The following FXYD6 variants were observed in gnomAD, a reference collection of about 807,000 sequenced individuals.
FXYD6 encodes FXYD domain containing ion transport regulator 6, also known as FXYD domain-containing ion transport regulator 6.
A neutral mutation model predicts 16.7 loss-of-function variants in FXYD6; 7 were observed. The observed-to-expected ratio is 0.42, with a 90% CI of 0.24 to 0.79. The LOEUF is 0.79. Ranked by LOEUF, FXYD6 falls within the 30% of genes least tolerant of loss-of-function variation. FXYD6 has a pLI of 0.28. For synonymous variants in FXYD6, 49 were observed against 43.0 expected (o/e 1.14, Z -0.54); for missense variants, 111 against 116.2 (o/e 0.95, Z 0.21).
At chr11:117,853,798 A>G (rs2056662219) in intron 1 of FXYD6, among the ~76,000 whole-genome samples, 1 of 151,886 alleles carries the variant, frequency 6.6e-6, no homozygotes, top group African/African-American at 2.4e-5. Context: ...TGGCCCAGTT[A>G]TCTCATGGGG....
chr11:117,845,806 G>A (rs1244567809), intron 1 of FXYD6, among the ~76,000 whole-genome samples: 3 of 152,230 alleles, frequency 2.0e-5, no homozygotes, highest in African/African-American at 4.8e-5. Flanking sequence ...ACAGATTCAT[G>A]TAACCAGAAG....
chr11:117,849,370 G>A (rs1426172628), intron 1 of FXYD6, among the ~76,000 whole-genome samples: 1 of 152,170 alleles, frequency 6.6e-6, no homozygotes, highest in African/African-American at 2.4e-5. Context: ...TCTGTATGAT[G>A]TACAGATGCC....
intron 1 of FXYD6, among the ~76,000 whole-genome samples, chr11:117,855,146 C>T (rs2056693766): frequency 6.6e-6 from 1 of 152,196 alleles, no homozygotes. Flanking sequence ...AATCAGATTG[C>T]AGAGGCTCTT....
At chr11:117,841,963 C>A (rs2056356795) in intron 3 of FXYD6, 27 bp downstream of exon 3, 4 of 1,614,050 alleles carry the variant, frequency 2.5e-6, no homozygotes, top group African/African-American at 2.7e-5. Flanking sequence ...CCCCCTGACC[C>A]CTGCACCCAG....
At chr11:117,868,006 C>T (rs551393282) in intron 1 of FXYD6, among the ~76,000 whole-genome samples, 2 of 152,324 alleles carry the variant, frequency 1.3e-5, no homozygotes, top group Non-Finnish European at 1.5e-5. Context: ...TTAATAAATG[C>T]TATCTTTGTC....
chr11:117,855,151 G>C (rs980226017), intron 1 of FXYD6, among the ~76,000 whole-genome samples: 7 of 152,208 alleles, frequency 4.6e-5, no homozygotes, highest in African/African-American at 1.7e-4. Flanking sequence ...GATTGCAGAG[G>C]CTCTTGAGTG....
chr11:117,873,033 C>A (rs548855955), intron 1 of FXYD6, among the ~76,000 whole-genome samples: 6 of 152,232 alleles, frequency 3.9e-5, no homozygotes, highest in Non-Finnish European at 4.4e-5. Flanking sequence ...TTAAAGAACC[C>A]CCCCCAACCG....
intron 1 of FXYD6, among the ~76,000 whole-genome samples, chr11:117,853,287 G>C (rs2134163792): frequency 6.6e-6 from 1 of 152,280 alleles, no homozygotes. Flanking sequence ...TTTCATGGAG[G>C]CTGGGGGCAG....
chr11:117,842,093 C>T, intron 2 of FXYD6, 65 bp from the exon 3 acceptor site: 1 of 1,610,830 alleles, frequency 6.2e-7, no homozygotes, highest in Non-Finnish European at 8.5e-7. Flanking sequence ...AATATCTAAC[C>T]TTGCCTCACA....
At chr11:117,863,324 T>C (rs2056948458) in intron 1 of FXYD6, among the ~76,000 whole-genome samples, 3 of 151,968 alleles carry the variant, frequency 2.0e-5, no homozygotes, top group African/African-American at 7.3e-5. Context: ...CAATATAATA[T>C]ACCACATTAG....
chr11:117,859,319 C>T (rs2134182526), intron 1 of FXYD6, among the ~76,000 whole-genome samples: 1 of 152,222 alleles, frequency 6.6e-6, no homozygotes, highest in South Asian at 2.1e-4. Flanking sequence ...TTACAAAGCA[C>T]ACCCCTGACT....
intron 1 of FXYD6, among the ~76,000 whole-genome samples, chr11:117,855,588 G>C (rs2056706296): frequency 1.3e-5 from 2 of 152,142 alleles, no homozygotes; most frequent in Admixed American, 1.3e-4. Flanking sequence ...TGGGCTGCTG[G>C]AGGCTGGCTG....
intron 1 of FXYD6, among the ~76,000 whole-genome samples, chr11:117,852,516 C>T (rs2056633894): frequency 1.3e-5 from 2 of 152,220 alleles, no homozygotes; most frequent in African/African-American, 4.8e-5. Context: ...TATCATCATT[C>T]CTTTATAGAT....
chr11:117,852,834 T>C (rs1300211807), intron 1 of FXYD6, among the ~76,000 whole-genome samples: 1 of 152,262 alleles, frequency 6.6e-6, no homozygotes, highest in Non-Finnish European at 1.5e-5. Flanking sequence ...TTCTCTATGC[T>C]ACATTCCAGG....
intron 1 of FXYD6, among the ~76,000 whole-genome samples, chr11:117,848,724 G>A (rs1186347244): frequency 6.6e-6 from 1 of 152,156 alleles, no homozygotes; most frequent in Non-Finnish European, 1.5e-5. Flanking sequence ...GCACTCTCCA[G>A]ATATCTATTT....
In FXYD6 at chr11:117,840,361, C is replaced by G. The variant is rs141358460; in HGVS notation, c.217G>C (p.Gly73Arg). The G allele has an allele frequency of 3.2e-3, 5,164 of 1,614,134 alleles. 8 individuals are homozygous for G. The highest frequency in any genetic ancestry group is 4.0e-3 in the Non-Finnish European group (4,681 of 1,180,006). ...CSFNQKPRAPGDEEAQVENLI... is the reference protein window; with the variant it reads ...CSFNQKPRAPRDEEAQVENLI... ...TTCTCCACCTGGGCTTCCTCATCTCCTGGGGCCCTGCAGGAGAAAGAGACA... is the reference window on the plus strand; with the variant it reads ...TTCTCCACCTGGGCTTCCTCATCTCGTGGGGCCCTGCAGGAGAAAGAGACA... Residue 73 changes from glycine to arginine, a missense_variant, in exon 6 of 8, where the codon GGA (glycine) becomes CGA (arginine). Coordinates refer to ENST00000526014, the MANE Select transcript of FXYD6 (RefSeq NM_022003.4).
chr11:117,873,071 A>G (rs369231200), intron 1 of FXYD6, among the ~76,000 whole-genome samples: 1 of 152,280 alleles, frequency 6.6e-6, no homozygotes, highest in African/African-American at 2.4e-5. Context: ...GCAGCCTGGT[A>G]GAAAAGGCCA....
intron 1 of FXYD6, among the ~76,000 whole-genome samples, chr11:117,858,723 CCCTTCCTTCCTTCCTTCCTTCCTT>C (rs761682132): frequency 2.4e-5 from 1 of 41,204 alleles, no homozygotes; most frequent in Non-Finnish European, 4.7e-5. Flanking sequence ...CTCCTTCCTT[CCCTTCCTTCCTTCCTTCCTTCCTT>C]CCTTCCTTCC....
In FXYD6 at chr11:117,872,678, C is replaced by T. The variant is rs866515409; in HGVS notation, c.-6+3914G>A. The stretch of plus-strand genomic sequence containing the variant: ...CCCATTCCCATGGCCCCAGCCTGGT[C>T]CGTGGGGGCCCAGCCCCTTTCCCAG... On this transcript the variant is annotated intron_variant, in intron 1 of 7. Transcript: ENST00000526014. The surrounding 1 kb of genome is among the most constrained non-coding windows in gnomAD (Gnocchi z 4.9). Among the ~76,000 whole-genome samples, 12 of 152,218 alleles carry T rather than the reference C, an allele frequency of 7.9e-5. No individual in the cohort carries two copies. The highest frequency in any genetic ancestry group is 2.9e-4 in the African/African-American group (12 of 41,458).
Sources: gnomAD v4.1 joint callset for allele counts (sites outside exome capture counted in the v4.1 genomes callset) on GRCh38, gnomAD v4.1.1 for gene constraint, Gnocchi (gnomAD v3.1) non-coding constraint, MANE v1.5 for transcripts, NCBI Gene and HGNC (gene_info 2026-07-23, HGNC 2026-07-21) for gene names.